Variants in CDKAL1 observed in about 807,000 individuals in gnomAD.
CDKAL1 encodes CDKAL1 threonylcarbamoyladenosine tRNA methylthiotransferase.
Under a neutral mutation model 68.2 loss-of-function variants are expected in CDKAL1, and 32 were observed. That is an observed-to-expected ratio of 0.47 (90% CI 0.35 to 0.63). The LOEUF (loss-of-function observed/expected upper bound fraction) is 0.63. Ranked by LOEUF, CDKAL1 falls within the 30% of genes least tolerant of loss-of-function variation. The pLI, the probability that CDKAL1 is intolerant of heterozygous loss-of-function variation, is 0.00. For synonymous variants in CDKAL1, 234 were observed against 244.3 expected (o/e 0.96, Z 0.39); for missense variants, 606 against 696.7 (o/e 0.87, Z 1.47).
intron 4 of CDKAL1, among the ~76,000 whole-genome samples, chr6:20,613,777 A>C (rs1189019490): frequency 6.6e-6 from 1 of 151,716 alleles, no homozygotes; most frequent in African/African-American, 2.4e-5. Flanking sequence ...ATGTCTTTGT[A>C]TTTATGTATC....
intron 13 of CDKAL1, among the ~76,000 whole-genome samples, chr6:21,108,993 G>C (rs1301671741): frequency 1.3e-5 from 2 of 152,108 alleles, no homozygotes; most frequent in Non-Finnish European, 2.9e-5. Flanking sequence ...CAGCTTCATA[G>C]ATTCATAGTC....
chr6:20,678,509 A>C (rs1770228079), intron 5 of CDKAL1, among the ~76,000 whole-genome samples: 1 of 152,164 alleles, frequency 6.6e-6, no homozygotes, highest in Non-Finnish European at 1.5e-5. Flanking sequence ...TACAGTCAGT[A>C]AGGCTTCACT....
chr6:20,563,103 T>C (rs1163462813), intron 4 of CDKAL1, among the ~76,000 whole-genome samples: 1 of 152,220 alleles, frequency 6.6e-6, no homozygotes, highest in Non-Finnish European at 1.5e-5. Flanking sequence ...GATGGAATGA[T>C]TGTGTTTTAA....
At chr6:20,854,259 G>A (rs1203020245) in intron 9 of CDKAL1, among the ~76,000 whole-genome samples, 2 of 152,168 alleles carry the variant, frequency 1.3e-5, no homozygotes, top group East Asian at 3.9e-4. Flanking sequence ...GTTTTTGTTA[G>A]CCACTGCCAT....
chr6:20,694,654 G>A lies in CDKAL1; in HGVS notation c.372-44865G>A, dbSNP rs183343363. The stretch of plus-strand genomic sequence containing the variant: ...GAGATAGGATGACCACATATATACC[G>A]TAAACACCAGAATGAAGGCCTTTGT... On this transcript the variant is annotated intron_variant, in intron 5 of 15. Coordinates refer to ENST00000274695, the MANE Select transcript of CDKAL1 (RefSeq NM_017774.3). 3.3e-5 allele frequency among the ~76,000 whole-genome samples: 5 copies of A among 152,252 alleles called. No homozygotes were observed. In the East Asian group the frequency reaches 5.8e-4, roughly 18 times the overall value.
chr6:20,684,479 G>A (rs1770527741), intron 5 of CDKAL1, among the ~76,000 whole-genome samples: 1 of 152,180 alleles, frequency 6.6e-6, no homozygotes, highest in Non-Finnish European at 1.5e-5. Flanking sequence ...TATAAACATT[G>A]TGTGCAGTTT....
chr6:20,546,310 C>A, intron 2 of CDKAL1, 36 bp from the exon 3 acceptor site: 2 of 1,503,132 alleles, frequency 1.3e-6, no homozygotes, highest in South Asian at 2.5e-5. Context: ...AGCAGATTTT[C>A]ATAAGTTGAT....
At chr6:20,611,682 A>C (rs931995456) in intron 4 of CDKAL1, among the ~76,000 whole-genome samples, 1 of 152,190 alleles carries the variant, frequency 6.6e-6, no homozygotes, top group Non-Finnish European at 1.5e-5. Context: ...TACAATGTGT[A>C]ATGATTGAGT....
At chr6:20,621,929 C>T (rs1393993729) in intron 4 of CDKAL1, among the ~76,000 whole-genome samples, 4 of 151,912 alleles carry the variant, frequency 2.6e-5, no homozygotes, top group African/African-American at 7.3e-5. Context: ...GCTGGGTGTG[C>T]TTATTACTGA....
intron 8 of CDKAL1, among the ~76,000 whole-genome samples, chr6:20,813,141 C>A (rs1304967812): frequency 1.3e-5 from 2 of 152,074 alleles, no homozygotes; most frequent in African/African-American, 2.4e-5. Context: ...TCAAGAGAAT[C>A]TTGCTTTATA....
intron 13 of CDKAL1, among the ~76,000 whole-genome samples, chr6:21,109,841 G>A (rs1185411108): frequency 6.6e-6 from 1 of 152,186 alleles, no homozygotes; most frequent in Non-Finnish European, 1.5e-5. Context: ...AAAGGCGATG[G>A]CAAATCAGAG....
At chr6:20,907,674 T>A (rs1366279655) in intron 9 of CDKAL1, among the ~76,000 whole-genome samples, 1 of 151,970 alleles carries the variant, frequency 6.6e-6, no homozygotes, top group African/African-American at 2.4e-5. Context: ...AGCTCCCCCG[T>A]GTGTGAGGAG....
At chr6:21,206,743 C>T (rs1426083293) in intron 15 of CDKAL1, among the ~76,000 whole-genome samples, 2 of 152,086 alleles carry the variant, frequency 1.3e-5, no homozygotes, top group Non-Finnish European at 1.5e-5. Flanking sequence ...ACTTTCTTGA[C>T]TCACAGTGTC....
intron 12 of CDKAL1, among the ~76,000 whole-genome samples, chr6:21,081,210 A>T (rs998127043): frequency 3.9e-5 from 6 of 152,190 alleles, no homozygotes; most frequent in Non-Finnish European, 7.3e-5. Flanking sequence ...CCAAAAGAGG[A>T]AGAAGATATG....
chr6:20,905,276 T>G (rs1022676100), intron 9 of CDKAL1, among the ~76,000 whole-genome samples: 2 of 152,114 alleles, frequency 1.3e-5, no homozygotes, highest in Admixed American at 1.3e-4. Flanking sequence ...AAAATAAATT[T>G]TAAAGCTGAA....
chr6:20,912,602 A>C (rs919787525), intron 9 of CDKAL1, among the ~76,000 whole-genome samples: 1 of 152,212 alleles, frequency 6.6e-6, no homozygotes, highest in African/African-American at 2.4e-5. Context: ...TTGGATGCCC[A>C]AGTGTTCAAA....
chr6:20,851,846 T>C (rs1759030556), intron 9 of CDKAL1, among the ~76,000 whole-genome samples: 2 of 151,936 alleles, frequency 1.3e-5, no homozygotes, highest in South Asian at 4.1e-4. Context: ...ATGAGCAATA[T>C]TTGATTTTCT....
In CDKAL1 at chr6:20,603,216, A is replaced by G. The variant is rs1766181713; in HGVS notation, c.287-46077A>G. Among the ~76,000 whole-genome samples the G allele has an allele frequency of 2.6e-5, 4 of 152,120 alleles. No individual in the cohort carries two copies. The South Asian group carries it at 8.3e-4, about 32-fold the overall frequency. On this transcript the variant is annotated intron_variant, in intron 4 of 15. Coordinates refer to ENST00000274695, the MANE Select transcript of CDKAL1 (RefSeq NM_017774.3). ...TGCTGATAATGATTCTTCTTTTGAG[A>G]AACAGTTCCTGGCTTTTGACTTTGC...
intron 13 of CDKAL1, among the ~76,000 whole-genome samples, chr6:21,118,690 C>T (rs1033903217): frequency 1.3e-5 from 2 of 152,216 alleles, no homozygotes; most frequent in Non-Finnish European, 2.9e-5. Flanking sequence ...CAACCAGCTT[C>T]TCCTAATGAT....
Sources: allele counts gnomAD v4.1 joint callset (sites outside exome capture counted in the v4.1 genomes callset), GRCh38; gene constraint gnomAD v4.1.1; transcripts MANE v1.5; gene names NCBI Gene and HGNC (gene_info 2026-07-23, HGNC 2026-07-21).